The following LRRTM4 variants were observed in gnomAD, a reference collection of about 807,000 sequenced individuals.
LRRTM4 encodes leucine-rich repeat transmembrane neuronal protein 4.
LRRTM4 carries 25 observed loss-of-function variants against 47.6 expected under a neutral mutation model. The observed-to-expected ratio is 0.53, with a 90% CI of 0.38 to 0.73. LRRTM4 has a LOEUF of 0.73. LRRTM4 is among the 30% of genes least tolerant of loss of function. The pLI, the probability that LRRTM4 is intolerant of heterozygous loss-of-function variation, is 0.00. For synonymous variants in LRRTM4, 311 were observed against 269.5 expected (o/e 1.15, Z -1.51); for missense variants, 638 against 713.4 (o/e 0.89, Z 1.20).
chr2:76,992,643 A>G (rs1030650632), intron 3 of LRRTM4, among the ~76,000 whole-genome samples: 3 of 151,706 alleles, frequency 2.0e-5, no homozygotes, highest in Non-Finnish European at 4.4e-5. Flanking sequence ...ACAAATGGAA[A>G]AACAATCCAT....
chr2:77,109,515 T>A (rs1671189561), intron 3 of LRRTM4, among the ~76,000 whole-genome samples: 3 of 152,186 alleles, frequency 2.0e-5, no homozygotes. Context: ...TCCTCATTCC[T>A]ATAAAGAACA....
At chr2:76,953,502 T>G (rs1675565756) in intron 3 of LRRTM4, among the ~76,000 whole-genome samples, 1 of 151,784 alleles carries the variant, frequency 6.6e-6, no homozygotes, top group Non-Finnish European at 1.5e-5. Flanking sequence ...CGTTCTCTTG[T>G]GAGGGAAAGA....
chr2:76,993,986 C>T (rs114231185), intron 3 of LRRTM4, among the ~76,000 whole-genome samples: 1,908 of 151,946 alleles, frequency 0.013, 40 homozygotes, highest in African/African-American at 0.044. Flanking sequence ...GGCCATTATC[C>T]TAAGCAGATT....
intron 3 of LRRTM4, among the ~76,000 whole-genome samples, chr2:76,940,346 G>A (rs1214405987): frequency 6.6e-6 from 1 of 152,122 alleles, no homozygotes; most frequent in Non-Finnish European, 1.5e-5. Flanking sequence ...GGAACATGGA[G>A]AGAGCTAGAG....
At chr2:77,010,806 G>T (rs1461181960) in intron 3 of LRRTM4, among the ~76,000 whole-genome samples, 1 of 152,114 alleles carries the variant, frequency 6.6e-6, no homozygotes, top group African/African-American at 2.4e-5. Context: ...CCACTGTTGA[G>T]AATGAGATTA....
At chr2:77,394,083 C>T (rs1673607886) in intron 3 of LRRTM4, among the ~76,000 whole-genome samples, 1 of 151,788 alleles carries the variant, frequency 6.6e-6, no homozygotes, top group Admixed American at 6.6e-5. Flanking sequence ...AGGAATCCCT[C>T]TGTATTGTAA....
At chr2:76,813,145 C>A (rs1037189839) in intron 3 of LRRTM4, among the ~76,000 whole-genome samples, 1 of 151,994 alleles carries the variant, frequency 6.6e-6, no homozygotes, top group Non-Finnish European at 1.5e-5. Context: ...CCCTGGGCAA[C>A]AAGAGCGAAA....
intron 3 of LRRTM4, among the ~76,000 whole-genome samples, chr2:76,946,860 ATTAT>A (rs1205441204): frequency 6.6e-6 from 1 of 151,916 alleles, no homozygotes; most frequent in Non-Finnish European, 1.5e-5. Flanking sequence ...TATGGAAGAA[ATTAT>A]TTATGCGCCA....
chr2:76,848,114 T>C (rs185381417), intron 3 of LRRTM4, among the ~76,000 whole-genome samples: 20 of 152,212 alleles, frequency 1.3e-4, no homozygotes, highest in African/African-American at 4.6e-4. Context: ...AGATTCTTTG[T>C]GTGTGTTTGG....
intron 3 of LRRTM4, among the ~76,000 whole-genome samples, chr2:77,070,052 T>C (rs1680099351): frequency 6.6e-6 from 1 of 151,368 alleles, no homozygotes; most frequent in Admixed American, 6.6e-5. Flanking sequence ...GATCAGATTA[T>C]ATATATATAT....
At chr2:76,807,216 C>T (rs1284845293) in intron 3 of LRRTM4, among the ~76,000 whole-genome samples, 1 of 151,466 alleles carries the variant, frequency 6.6e-6, no homozygotes, top group Non-Finnish European at 1.5e-5. Flanking sequence ...GGAATAGTCA[C>T]TGAAATATTA....
At chr2:77,395,236 G>C (rs922510265) in intron 3 of LRRTM4, among the ~76,000 whole-genome samples, 1 of 151,896 alleles carries the variant, frequency 6.6e-6, no homozygotes, top group Non-Finnish European at 1.5e-5. Flanking sequence ...TCCTGTCATG[G>C]CCAGGAACTT....
chr2:76,976,698 T>C (rs1432214607), intron 3 of LRRTM4, among the ~76,000 whole-genome samples: 3 of 151,814 alleles, frequency 2.0e-5, no homozygotes, highest in Non-Finnish European at 4.4e-5. Context: ...GGGGCTGGGA[T>C]ATCCGTGGAA....
intron 3 of LRRTM4, among the ~76,000 whole-genome samples, chr2:77,103,516 A>C (rs971884047): frequency 1.3e-5 from 2 of 152,098 alleles, no homozygotes; most frequent in Non-Finnish European, 2.9e-5. Context: ...AGATGAAAAA[A>C]AGCGGACCAA....
At chr2:76,875,206 G>T (rs917735809) in intron 3 of LRRTM4, among the ~76,000 whole-genome samples, 1 of 152,208 alleles carries the variant, frequency 6.6e-6, no homozygotes, top group South Asian at 2.1e-4. Flanking sequence ...GTCTGCATTT[G>T]CCTCAGATAA....
At chr2:76,898,736 T>C (rs1014779115) in intron 3 of LRRTM4, among the ~76,000 whole-genome samples, 2 of 151,230 alleles carry the variant, frequency 1.3e-5, no homozygotes, top group Non-Finnish European at 2.9e-5. Context: ...TCTAAAAAGC[T>C]CTAGGATGTG....
chr2:76,987,576 G>T (rs1354003004), intron 3 of LRRTM4: 1 of 151,868 alleles, frequency 6.6e-6, no homozygotes, highest in Non-Finnish European at 1.5e-5. Flanking sequence ...TCTAAGTAAT[G>T]ATGTGGTAAC....
chr2:77,279,266 C>T (rs547586319), intron 3 of LRRTM4, among the ~76,000 whole-genome samples: 1 of 151,920 alleles, frequency 6.6e-6, no homozygotes, highest in Non-Finnish European at 1.5e-5. Flanking sequence ...TATCAGGGGA[C>T]AGAAAAAATA....
intron 3 of LRRTM4, among the ~76,000 whole-genome samples, chr2:77,135,619 C>A (rs1053516481): frequency 2.0e-5 from 3 of 152,266 alleles, no homozygotes; most frequent in South Asian, 2.1e-4. Flanking sequence ...TTTCATTTTA[C>A]AAACTTCTCA....
Sources: allele counts gnomAD v4.1 joint callset (sites outside exome capture counted in the v4.1 genomes callset), GRCh38; gene constraint gnomAD v4.1.1; transcripts MANE v1.5; gene names NCBI Gene and HGNC (gene_info 2026-07-23, HGNC 2026-07-21).